The following BNC2 variants were observed in gnomAD, a reference collection of about 807,000 sequenced individuals.
BNC2 encodes basonuclin zinc finger protein 2.
A neutral mutation model predicts 76.3 loss-of-function variants in BNC2; 20 were observed. That is an observed-to-expected ratio of 0.26 (90% CI 0.18 to 0.38). The LOEUF (loss-of-function observed/expected upper bound fraction) is 0.38, where lower values mean the gene tolerates loss of function less well. Ranked by LOEUF, BNC2 falls within the 10% of genes least tolerant of loss-of-function variation. The pLI, the probability that BNC2 is intolerant of heterozygous loss-of-function variation, is 1.00. For missense variants in BNC2, 1,382 were observed against 1,399.8 expected (o/e 0.99, Z 0.20); for synonymous variants, 582 against 514.8 (o/e 1.13, Z -1.77).
At chr9:16,776,060 C>CGG (rs1825957876) in intron 1 of BNC2, among the ~76,000 whole-genome samples, 1 of 152,118 alleles carries the variant, frequency 6.6e-6, no homozygotes, top group Non-Finnish European at 1.5e-5. Flanking sequence ...CTTTCAGCCA[C>CGG]GGGGACCTGC....
intron 1 of BNC2, among the ~76,000 whole-genome samples, chr9:16,808,545 G>C (rs1817969924): frequency 7.6e-6 from 1 of 130,910 alleles, no homozygotes; most frequent in Admixed American, 9.1e-5. Flanking sequence ...CTGTACTGCA[G>C]TGGTGTGACC....
At chr9:16,787,950 G>T (rs1218053097) in intron 1 of BNC2, among the ~76,000 whole-genome samples, 2 of 152,132 alleles carry the variant, frequency 1.3e-5, no homozygotes, top group Non-Finnish European at 2.9e-5. Flanking sequence ...CACACAAGAT[G>T]AGTCAGCCAC....
intron 5 of BNC2, among the ~76,000 whole-genome samples, chr9:16,472,127 C>A (rs981723377): frequency 6.6e-6 from 1 of 152,140 alleles, no homozygotes; most frequent in African/African-American, 2.4e-5. Flanking sequence ...CGAACTAATA[C>A]ATGATTTTCT....
At chr9:16,852,891 TC>T (rs1188760021) in intron 1 of BNC2, among the ~76,000 whole-genome samples, 2 of 151,966 alleles carry the variant, frequency 1.3e-5, no homozygotes, top group African/African-American at 2.4e-5. Flanking sequence ...CTGTGGAAAA[TC>T]AGCAAGGCTG....
intron 3 of BNC2, among the ~76,000 whole-genome samples, chr9:16,657,949 C>G (rs10810583): frequency 0.46 from 69,447 of 151,918 alleles, 18,175 homozygotes; most frequent in Middle Eastern, 0.63. Flanking sequence ...TTCTAAAATT[C>G]TTATGTTTAA....
At chr9:16,546,038 G>A (rs1351988701) in intron 5 of BNC2, among the ~76,000 whole-genome samples, 3 of 152,108 alleles carry the variant, frequency 2.0e-5, no homozygotes, top group South Asian at 2.1e-4. Context: ...TGATACTAAC[G>A]CCTAAAATGC....
intron 2 of BNC2, 76 bp downstream of exon 2, chr9:16,738,284 A>G (rs1824737361): frequency 6.7e-7 from 1 of 1,485,522 alleles, no homozygotes; most frequent in Non-Finnish European, 9.4e-7. Flanking sequence ...GAGGTGAGAG[A>G]TATATCTTAA....
At chr9:16,579,907 A>G (rs190072354) in intron 4 of BNC2, 2 of 391,696 alleles carry the variant, frequency 5.1e-6, no homozygotes, top group Non-Finnish European at 9.0e-6. Context: ...GATATTAAAA[A>G]TTTTTTTATT....
At chr9:16,747,459 G>A (rs979480392) in intron 1 of BNC2, among the ~76,000 whole-genome samples, 9 of 152,178 alleles carry the variant, frequency 5.9e-5, no homozygotes, top group African/African-American at 1.9e-4. Context: ...TTGTGTGCCA[G>A]GTACTATGCA....
intron 3 of BNC2, among the ~76,000 whole-genome samples, chr9:16,649,138 G>GA (rs1206908973): frequency 6.6e-6 from 1 of 151,780 alleles, no homozygotes; most frequent in Non-Finnish European, 1.5e-5. Context: ...CACATCAAGT[G>GA]AAAGAGAATG....
At chr9:16,557,223 G>A (rs1818861983) in intron 4 of BNC2, among the ~76,000 whole-genome samples, 1 of 152,112 alleles carries the variant, frequency 6.6e-6, no homozygotes, top group Non-Finnish European at 1.5e-5. Context: ...TTCAGGCCAG[G>A]CACCGTGGCT....
At chr9:16,728,176 T>C in intron 2 of BNC2, 179 bp from the exon 3 acceptor site, 3 of 697,724 alleles carry the variant, frequency 4.3e-6, no homozygotes, top group Non-Finnish European at 7.8e-6. Context: ...ATGCATAGAT[T>C]GTGACTCCCC....
chr9:16,549,209 A>G (rs1210031982), intron 5 of BNC2, among the ~76,000 whole-genome samples: 1 of 152,202 alleles, frequency 6.6e-6, no homozygotes, highest in African/African-American at 2.4e-5. Context: ...CTGTGTACAC[A>G]TAAAGGATGC....
chr9:16,794,329 G>A (rs1424030633), intron 1 of BNC2, among the ~76,000 whole-genome samples: 1 of 152,266 alleles, frequency 6.6e-6, no homozygotes, highest in Non-Finnish European at 1.5e-5. Flanking sequence ...ACTGCCGAGG[G>A]GAATGCAATT....
At chr9:16,576,102 CT>C (rs1233591138) in intron 4 of BNC2, among the ~76,000 whole-genome samples, 2 of 152,190 alleles carry the variant, frequency 1.3e-5, no homozygotes, top group Admixed American at 1.3e-4. Context: ...TTCCCTTCCC[CT>C]GAGGACTCAA....
intron 3 of BNC2, among the ~76,000 whole-genome samples, chr9:16,633,682 G>A (rs891207385): frequency 1.5e-4 from 23 of 151,880 alleles, no homozygotes; most frequent in African/African-American, 5.1e-4. Context: ...TAAGGTATCC[G>A]GAAATACAGT....
chr9:16,860,392 G>A (rs1419372697), intron 1 of BNC2, among the ~76,000 whole-genome samples: 1 of 152,096 alleles, frequency 6.6e-6, no homozygotes, highest in African/African-American at 2.4e-5. Flanking sequence ...TATATATCAT[G>A]GTCAATTAAT....
intron 5 of BNC2, among the ~76,000 whole-genome samples, chr9:16,523,494 A>AAC (rs1297374057): frequency 5.8e-5 from 6 of 103,174 alleles, no homozygotes; most frequent in African/African-American, 5.4e-4. Flanking sequence ...AAAACAAAAC[A>AAC]AAAAAAAACA....
chr9:16,516,720 G>T (rs571142863), intron 5 of BNC2, among the ~76,000 whole-genome samples: 2 of 151,944 alleles, frequency 1.3e-5, no homozygotes, highest in East Asian at 3.9e-4. Context: ...ACTAATAGGA[G>T]ACTAATTATT....
Sources: allele counts gnomAD v4.1 joint callset (sites outside exome capture counted in the v4.1 genomes callset), GRCh38; gene constraint gnomAD v4.1.1; transcripts MANE v1.5; gene names NCBI Gene and HGNC (gene_info 2026-07-23, HGNC 2026-07-21).